The following APPL1 variants were observed in gnomAD, a reference collection of about 807,000 sequenced individuals.
APPL1 encodes the protein adaptor protein, phosphotyrosine interacting with PH domain and leucine zipper 1.
Under a neutral mutation model 106.8 loss-of-function variants are expected in APPL1, and 42 were observed. That is an observed-to-expected ratio of 0.39 (90% CI 0.31 to 0.51). The LOEUF (loss-of-function observed/expected upper bound fraction) is 0.51, where lower values mean the gene tolerates loss of function less well. Ranked by LOEUF, APPL1 falls within the 20% of genes least tolerant of loss-of-function variation. APPL1 has a pLI of 0.75. For synonymous variants in APPL1, 263 were observed against 281.8 expected (o/e 0.93, Z 0.67); for missense variants, 769 against 858.2 (o/e 0.90, Z 1.30).
intron 11 of APPL1, among the ~76,000 whole-genome samples, chr3:57,250,953 G>A (rs191784764): frequency 2.0e-5 from 3 of 149,358 alleles, no homozygotes; most frequent in African/African-American, 7.3e-5. Context: ...GACTACAGGC[G>A]CCTGCTACCA....
chr3:57,261,482 ATTG>A (rs2060864894), intron 19 of APPL1, among the ~76,000 whole-genome samples: 1 of 152,014 alleles, frequency 6.6e-6, no homozygotes, highest in African/African-American at 2.4e-5. Context: ...CAGTAGTGGG[ATTG>A]TTGGATCGAA....
chr3:57,242,793 T>C, intron 6 of APPL1, 63 bp from the exon 7 acceptor site: 1 of 1,249,494 alleles, frequency 8.0e-7, no homozygotes, highest in Non-Finnish European at 1.2e-6. Flanking sequence ...TGAAGACCAT[T>C]GAAAGCATTT....
At chr3:57,253,548 A>G in intron 12 of APPL1, 134 bp from the exon 13 acceptor site, 1 of 593,572 alleles carries the variant, frequency 1.7e-6, no homozygotes, top group Non-Finnish European at 2.5e-6. Flanking sequence ...TCTGTTATGA[A>G]ATGTTTTCTT....
chr3:57,264,801 C>CT (rs201592600), intron 19 of APPL1, among the ~76,000 whole-genome samples: 2,678 of 114,212 alleles, frequency 0.023, 54 homozygotes, highest in African/African-American at 0.062. Context: ...GTCTATGTGT[C>CT]TTTTTTTTTT....
intron 1 of APPL1, among the ~76,000 whole-genome samples, chr3:57,232,701 G>A (rs925084419): frequency 1.3e-5 from 2 of 152,068 alleles, no homozygotes; most frequent in Non-Finnish European, 2.9e-5. Context: ...GATGACTCTC[G>A]AGTTGAAAAG....
At chr3:57,249,587 A>G in intron 11 of APPL1, 39 bp downstream of exon 11, 1 of 1,444,686 alleles carries the variant, frequency 6.9e-7, no homozygotes, top group African/African-American at 1.5e-5. Flanking sequence ...TCTATAGTAT[A>G]TTAAACTTCT....
intron 15 of APPL1, among the ~76,000 whole-genome samples, chr3:57,257,925 A>C (rs1156665545): frequency 6.6e-6 from 1 of 152,198 alleles, no homozygotes; most frequent in African/African-American, 2.4e-5. Context: ...CTTGGCTGTG[A>C]TTGAAGGAAA....
intron 6 of APPL1, 44 bp from the exon 7 acceptor site, chr3:57,242,812 T>G (rs767071193): frequency 4.8e-6 from 7 of 1,457,296 alleles, no homozygotes; most frequent in Non-Finnish European, 5.8e-6. Context: ...TTGTAAGTTT[T>G]GAAAAGTACT....
chr3:57,253,006 A>G (rs1380257868), intron 12 of APPL1, among the ~76,000 whole-genome samples: 1 of 152,206 alleles, frequency 6.6e-6, no homozygotes, highest in African/African-American at 2.4e-5. Flanking sequence ...AAAGAGTAAT[A>G]TTAAAACTTG....
chr3:57,236,622 C>G (rs1489084700), intron 2 of APPL1, among the ~76,000 whole-genome samples: 1 of 152,230 alleles, frequency 6.6e-6, no homozygotes, highest in East Asian at 1.9e-4. Context: ...GCCACTGCAC[C>G]TGGCCAACAC....
chr3:57,229,706 T>G lies in APPL1; in HGVS notation c.54+1769T>G, dbSNP rs2060676227. 2.9e-5 allele frequency among the ~76,000 whole-genome samples: 4 copies of G among 137,682 alleles called. No homozygotes were observed. In the South Asian group the frequency reaches 9.4e-4, roughly 32 times the overall value. The allele number at this position is 137,682 out of a possible 152,430, so 90.3% of individuals were successfully genotyped here. The stretch of plus-strand genomic sequence containing the variant: ...CGTGTGCCACTGTGCCAGCTTTTTT[T>G]TTTTTTTTTTTTTTTTTTTTTCCTG... On this transcript the variant is annotated intron_variant, in intron 1 of 21. Transcript: ENST00000288266.
rs1338716494 is a variant in APPL1 at position 57,263,731 on chromosome 3, G to A, written c.1842+2957G>A. ...CTGGCTGAATAGTACTCCATTGTGTGTGTGTGTACATTTTCTTTATCCATT... is the reference window on the plus strand; with the variant it reads ...CTGGCTGAATAGTACTCCATTGTGTATGTGTGTACATTTTCTTTATCCATT... On this transcript the variant is annotated intron_variant, in intron 19 of 21. Transcript: ENST00000288266. Among the ~76,000 whole-genome samples, 4 of 146,568 alleles carry A rather than the reference G, an allele frequency of 2.7e-5. No homozygotes were observed. In the East Asian group the frequency reaches 7.9e-4, roughly 29 times the overall value.
chr3:57,234,235 A>T (rs1013442520), intron 1 of APPL1, among the ~76,000 whole-genome samples: 4 of 150,498 alleles, frequency 2.7e-5, no homozygotes, highest in African/African-American at 9.8e-5. Flanking sequence ...TAATGTGAGT[A>T]TGTCTACCTT....
chr3:57,262,914 G>T (rs561960450), intron 19 of APPL1, among the ~76,000 whole-genome samples: 1 of 148,504 alleles, frequency 6.7e-6, no homozygotes, highest in Non-Finnish European at 1.5e-5. Flanking sequence ...GCAATGGCGC[G>T]ATCTTGGCTC....
chr3:57,248,044 T>C, intron 9 of APPL1, 149 bp from the exon 10 acceptor site: 1 of 734,098 alleles, frequency 1.4e-6, no homozygotes. Flanking sequence ...TGTAAACCTG[T>C]TTTAAAATAT....
chr3:57,252,430 T>G (rs572610753), intron 12 of APPL1, 119 bp downstream of exon 12: 3 of 669,410 alleles, frequency 4.5e-6, no homozygotes, highest in East Asian at 3.0e-5. Context: ...TTAAAAATCT[T>G]TCTTTTTCTT....
intron 9 of APPL1, 56 bp from the exon 10 acceptor site, chr3:57,248,137 T>G (rs2060784514): frequency 3.9e-6 from 6 of 1,524,706 alleles, no homozygotes; most frequent in Non-Finnish European, 5.3e-6. Context: ...TAAACATGAT[T>G]GGTAAGGAGT....
At position 57,247,638 on chromosome 3, in the gene APPL1, CCT is replaced by C. The variant is rs1169270005; in HGVS notation, c.704+164_704+165del. 2.0e-5 allele frequency among the ~76,000 whole-genome samples: 3 copies of C among 151,648 alleles called. No homozygotes were observed. In the East Asian group the frequency reaches 5.8e-4, roughly 29 times the overall value. Reference sequence around the variant, plus strand: ...ATGGTTACTTCTTGTTTTTTTTTAACCTCTTTTTTCCACAGATTGTGAACTTT... The same window carrying C: ...ATGGTTACTTCTTGTTTTTTTTTAACCTTTTTTCCACAGATTGTGAACTTT... On this transcript the variant is annotated intron_variant, in intron 9 of 21. Transcript: ENST00000288266.
intron 1 of APPL1, among the ~76,000 whole-genome samples, chr3:57,233,738 T>G (rs1431442276): frequency 6.6e-6 from 1 of 152,058 alleles, no homozygotes; most frequent in Non-Finnish European, 1.5e-5. Context: ...TGACTTAGCT[T>G]CCTCCTCTGA....
Sources: allele counts gnomAD v4.1 joint callset (sites outside exome capture counted in the v4.1 genomes callset), GRCh38; gene constraint gnomAD v4.1.1; transcripts MANE v1.5; gene names NCBI Gene and HGNC (gene_info 2026-07-23, HGNC 2026-07-21).